POMK: variants seen among roughly 807,000 people sequenced by gnomAD.
The protein encoded by POMK is protein O-mannose kinase, also known as Sugen kinase 196.
In POMK, 19 loss-of-function variants were observed where a neutral mutation model predicts 23.0. That is an observed-to-expected ratio of 0.83 (90% CI 0.58 to 1.21). POMK has a LOEUF of 1.21. Ranked by LOEUF, POMK falls within the 50% of genes most tolerant of loss-of-function variation. The pLI is 0.00. For synonymous variants in POMK, 173 were observed against 171.6 expected (o/e 1.01, Z -0.06); for missense variants, 410 against 431.3 (o/e 0.95, Z 0.44).
chr8:43,099,801 G>C (rs1295058963), intron 2 of POMK, among the ~76,000 whole-genome samples: 1 of 152,108 alleles, frequency 6.6e-6, no homozygotes, highest in East Asian at 1.9e-4. Context: ...CCTGGGGTGG[G>C]GCTTGGGAAC....
intron 4 of POMK, among the ~76,000 whole-genome samples, chr8:43,118,916 A>T (rs1034383933): frequency 6.6e-6 from 1 of 152,074 alleles, no homozygotes; most frequent in Non-Finnish European, 1.5e-5. Flanking sequence ...CCATTCTGCC[A>T]TTCTCCTGCC....
chr8:43,103,617 G>A lies in POMK; in HGVS notation c.69G>A (p.Leu23=), dbSNP rs1160467804. 1 of 1,614,028 alleles carries A rather than the reference G, an allele frequency of 6.2e-7. No individual in the cohort carries two copies. The highest frequency in any genetic ancestry group is 1.1e-5 in the South Asian group (1 of 91,066). ...APREVPPAVG[L]LLIMALMNTL... is the part of the protein sequence containing the mutation. ...GAGAGGTGCCGCCAGCTGTTGGGCT[G>A]CTGCTGATCATGGCCCTGATGAATA... The change falls in exon 4 of 5, where the codon CTG becomes CTA. Residue 23 remains leucine (L), a synonymous_variant. Transcript: ENST00000331373.
chr8:43,110,006 C>G (rs1166265982), intron 4 of POMK, among the ~76,000 whole-genome samples: 3 of 152,214 alleles, frequency 2.0e-5, no homozygotes, highest in African/African-American at 7.2e-5. Flanking sequence ...TGTTCACACA[C>G]AGAATCTCTT....
At chr8:43,121,958 A>C in intron 4 of POMK, 149 bp from the exon 5 acceptor site, 1 of 763,434 alleles carries the variant, frequency 1.3e-6, no homozygotes. Flanking sequence ...CTTCATAACT[A>C]GACGGAGAGC....
At chr8:43,107,159 A>G (rs1368775141) in intron 4 of POMK, among the ~76,000 whole-genome samples, 3 of 152,192 alleles carry the variant, frequency 2.0e-5, no homozygotes, top group African/African-American at 7.2e-5. Context: ...GTTTGAAAGC[A>G]TTAGTCTGGG....
intron 4 of POMK, among the ~76,000 whole-genome samples, chr8:43,114,781 C>T (rs1179799398): frequency 6.6e-6 from 1 of 152,154 alleles, no homozygotes; most frequent in African/African-American, 2.4e-5. Context: ...ATTTTTAAAC[C>T]CAAGATTACA....
At chr8:43,111,067 C>G (rs1171409393) in intron 4 of POMK, among the ~76,000 whole-genome samples, 1 of 152,170 alleles carries the variant, frequency 6.6e-6, no homozygotes, top group African/African-American at 2.4e-5. Context: ...GAGTGCCGGA[C>G]AGTGGGTGCA....
intron 4 of POMK, among the ~76,000 whole-genome samples, chr8:43,119,723 G>A (rs776026267): frequency 6.6e-5 from 10 of 151,956 alleles, no homozygotes; most frequent in Non-Finnish European, 1.0e-4. Flanking sequence ...GAGCCACCGC[G>A]TCCGGCCCAA....
At position 43,103,805 on chromosome 8, in the gene POMK, G is replaced by T. The variant is rs201095843; in HGVS notation, c.257G>T (p.Arg86Leu). 6.2e-7 allele frequency: 1 copy of T among 1,614,230 alleles called. No individual in the cohort carries two copies. The highest frequency in any genetic ancestry group is 1.1e-5 in the South Asian group (1 of 91,086). Residue 86 changes from arginine to leucine, a missense_variant, in exon 4 of 5, where the codon CGT (arginine) becomes CTT (leucine). Coordinates refer to ENST00000331373, the MANE Select transcript of POMK (RefSeq NM_032237.5). ...ELRTEVRQLK[R>L]VGEGAVKRVF... ...AGAACAGAAGTGAGACAGCTGAAGC[G>T]TGTTGGGGAAGGAGCTGTAAAGAGA... is the stretch of plus-strand genomic sequence containing the variant.
intron 4 of POMK, among the ~76,000 whole-genome samples, chr8:43,109,702 C>T (rs1811611101): frequency 6.6e-6 from 1 of 152,110 alleles, no homozygotes; most frequent in South Asian, 2.1e-4. Flanking sequence ...GCCACCACAC[C>T]TGGCTAATTT....
chr8:43,109,522 C>G (rs952537609), intron 4 of POMK, among the ~76,000 whole-genome samples: 1 of 151,816 alleles, frequency 6.6e-6, no homozygotes, highest in East Asian at 1.9e-4. Flanking sequence ...ATTAGTTTGA[C>G]CATAAGGTAA....
chr8:43,110,882 T>C (rs1811641095), intron 4 of POMK, among the ~76,000 whole-genome samples: 1 of 151,810 alleles, frequency 6.6e-6, no homozygotes, highest in African/African-American at 2.4e-5. Context: ...ATCGCGCCAT[T>C]GCACTCCAGC....
In POMK at chr8:43,122,686, A is replaced by G; in HGVS notation, c.862A>G (p.Ile288Val). 1.9e-6 allele frequency: 3 copies of G among 1,614,120 alleles called. No homozygotes were observed. Among genetic ancestry groups the G allele is most frequent in the Non-Finnish European group, 1.7e-6 (2 of 1,180,018 alleles). Reference protein sequence around the residue: ...EKIDIWKIPDISSFLLGHIEG... With the variant: ...EKIDIWKIPDVSSFLLGHIEG... ...GATTGACATTTGGAAGATCCCAGAC[A>G]TCTCCAGTTTCCTTCTGGGGCACAT... is the stretch of plus-strand genomic sequence containing the variant. The change falls in exon 5 of 5, where the codon ATC becomes GTC. Residue 288 changes from isoleucine (I) to valine (V), a missense_variant. Ile to Val is a conservative substitution (Grantham distance 29). Transcript: ENST00000331373.
Position 43,119,528 on chromosome 8 carries a change from G to A in POMK, c.283-2579G>A, listed in dbSNP as rs542321592. On this transcript the variant is annotated intron_variant, in intron 4 of 4. Transcript: ENST00000331373. ...GCTCACTTCAGCCTCTGCCTCCTGG[G>A]TTCAAGCAATTCTCCTGCCTCAGCC... is the stretch of plus-strand genomic sequence containing the variant. Among the ~76,000 whole-genome samples, 6 of 150,140 alleles carry A rather than the reference G, an allele frequency of 4.0e-5. No individual in the cohort carries two copies. In the East Asian group the frequency reaches 1.2e-3, roughly 30 times the overall value.
intron 4 of POMK, among the ~76,000 whole-genome samples, chr8:43,114,275 T>C (rs986281475): frequency 6.6e-6 from 1 of 152,216 alleles, no homozygotes; most frequent in Admixed American, 6.5e-5. Context: ...AGTTAGAGCT[T>C]CCCGGCTGCT....
chr8:43,116,131 C>T (rs1811794370), intron 4 of POMK, among the ~76,000 whole-genome samples: 1 of 152,214 alleles, frequency 6.6e-6, no homozygotes, highest in African/African-American at 2.4e-5. Context: ...TATACATTTC[C>T]TATTTACTTT....
chr8:43,116,298 A>T (rs987089228), intron 4 of POMK, among the ~76,000 whole-genome samples: 40 of 152,316 alleles, frequency 2.6e-4, no homozygotes, highest in Non-Finnish European at 3.4e-4. Context: ...TCAGAGACAG[A>T]GTCTCTCTCT....
chr8:43,098,579 T>A (rs1015429947), intron 2 of POMK, among the ~76,000 whole-genome samples: 2 of 152,220 alleles, frequency 1.3e-5, no homozygotes, highest in African/African-American at 4.8e-5. Flanking sequence ...CCGTGAACAT[T>A]CATGTATGAG....
intron 4 of POMK, among the ~76,000 whole-genome samples, chr8:43,116,466 G>T (rs939032355): frequency 2.0e-5 from 3 of 151,958 alleles, no homozygotes; most frequent in Non-Finnish European, 4.4e-5. Context: ...TTGAGATCTT[G>T]TTATGTTGCC....
Sources: allele counts gnomAD v4.1 joint callset (sites outside exome capture counted in the v4.1 genomes callset), GRCh38; gene constraint gnomAD v4.1.1; transcripts MANE v1.5; gene names NCBI Gene and HGNC (gene_info 2026-07-23, HGNC 2026-07-21).